TRPM3: variants seen among roughly 807,000 people sequenced by gnomAD.
The protein encoded by TRPM3 is long transient receptor potential channel 3.
TRPM3 carries 77 observed loss-of-function variants against 181.2 expected under a neutral mutation model. That is an observed-to-expected ratio of 0.42 (90% CI 0.35 to 0.51). The LOEUF (loss-of-function observed/expected upper bound fraction) is 0.51. Among genes scored for constraint, TRPM3 ranks in the 20% least tolerant of loss-of-function variants. The pLI is 0.01. For synonymous variants in TRPM3, 745 were observed against 796.4 expected (o/e 0.94, Z 1.09); for missense variants, 1,759 against 2,196.7 (o/e 0.80, Z 3.98).
At position 71,230,963 on chromosome 9, in the gene TRPM3, T is replaced by A. The variant is rs562146205; in HGVS notation, c.183+215690A>T. On this transcript the variant is annotated intron_variant, in intron 1 of 24. Transcript: ENST00000357533. ...AGGAAAGGAAAGCAGAAAGGAAATATTACTATTTATACTAGGTTTCAGAAC... is the reference window on the plus strand; with the variant it reads ...AGGAAAGGAAAGCAGAAAGGAAATAATACTATTTATACTAGGTTTCAGAAC... Among the ~76,000 whole-genome samples the A allele has an allele frequency of 2.0e-5, 3 of 152,296 alleles. No homozygotes were observed. In the East Asian group the frequency reaches 5.8e-4, roughly 29 times the overall value.
rs552175314 is a variant in TRPM3 at position 71,112,193 on chromosome 9, A to T, written c.177+8985T>A. 3.1e-3 allele frequency among the ~76,000 whole-genome samples: 475 copies of T among 152,324 alleles called. 2 individuals are homozygous for T. Among genetic ancestry groups the T allele is most frequent in the African/African-American group, 0.011 (448 of 41,582 alleles). On this transcript the variant is annotated intron_variant, in intron 1 of 25. Coordinates refer to ENST00000677713, the MANE Select transcript of TRPM3 (RefSeq NM_001366145.2). ...ACAGTTTTTCTTCTAACAGTATTTTATCTATTTTACAATGTAACCCAGTCA... is the reference window on the plus strand; with the variant it reads ...ACAGTTTTTCTTCTAACAGTATTTTTTCTATTTTACAATGTAACCCAGTCA...
chr9:71,200,433 A>C (rs1383706506), intron 1 of TRPM3, among the ~76,000 whole-genome samples: 2 of 149,934 alleles, frequency 1.3e-5, no homozygotes, highest in East Asian at 3.9e-4. Context: ...ATCCTTGTTA[A>C]CTTTCTGTCT....
At chr9:70,761,910 A>G (rs1017616111) in intron 7 of TRPM3, among the ~76,000 whole-genome samples, 186 bp from the exon 8 acceptor site, 8 of 152,164 alleles carry the variant, frequency 5.3e-5, no homozygotes, top group Non-Finnish European at 1.2e-4. Context: ...AAATAAATCA[A>G]TTTTACTCTC....
At chr9:71,329,848 C>G (rs987819996) in intron 1 of TRPM3, among the ~76,000 whole-genome samples, 1 of 152,086 alleles carries the variant, frequency 6.6e-6, no homozygotes, top group African/African-American at 2.4e-5. Context: ...TTCTTGAGCA[C>G]CTGCTATGTG....
chr9:70,659,804 T>G (rs2060864533), intron 9 of TRPM3, among the ~76,000 whole-genome samples: 2 of 152,216 alleles, frequency 1.3e-5, no homozygotes, highest in African/African-American at 4.8e-5. Context: ...AACTAAGCTG[T>G]GCTTTCATAA....
chr9:71,272,920 G>A (rs916228356), intron 1 of TRPM3, among the ~76,000 whole-genome samples: 3 of 151,686 alleles, frequency 2.0e-5, no homozygotes, highest in African/African-American at 7.3e-5. Flanking sequence ...TGTTCCACAG[G>A]GTGGAGTGCA....
At chr9:71,255,642 T>C (rs2082626001) in intron 1 of TRPM3, among the ~76,000 whole-genome samples, 2 of 152,218 alleles carry the variant, frequency 1.3e-5, no homozygotes, top group African/African-American at 4.8e-5. Flanking sequence ...ATTTCTTGAG[T>C]CTTTGTTGAA....
intron 1 of TRPM3, among the ~76,000 whole-genome samples, chr9:71,412,382 G>C (rs1362130794): frequency 6.6e-6 from 1 of 152,002 alleles, no homozygotes; most frequent in Non-Finnish European, 1.5e-5. Flanking sequence ...AATCTACAAA[G>C]AACTTAAACA....
At chr9:70,871,103 T>C (rs1431377611) in intron 1 of TRPM3, among the ~76,000 whole-genome samples, 2 of 151,720 alleles carry the variant, frequency 1.3e-5, no homozygotes, top group East Asian at 3.9e-4. Flanking sequence ...AGGGTGAGTT[T>C]TCTAGAGAAA....
chr9:71,427,771 AG>A (rs2093889853), intron 1 of TRPM3, among the ~76,000 whole-genome samples: 1 of 152,118 alleles, frequency 6.6e-6, no homozygotes, highest in Non-Finnish European at 1.5e-5. Context: ...AGGAGGAGGC[AG>A]GGGGCCAGGG....
intron 1 of TRPM3, among the ~76,000 whole-genome samples, chr9:71,139,278 G>A (rs2074957642): frequency 1.3e-5 from 2 of 152,142 alleles, no homozygotes; most frequent in African/African-American, 4.8e-5. Context: ...CGTATGGCAA[G>A]GTACTATCTC....
intron 1 of TRPM3, among the ~76,000 whole-genome samples, chr9:70,919,159 T>TA (rs1371005582): frequency 6.6e-6 from 1 of 152,174 alleles, no homozygotes; most frequent in Non-Finnish European, 1.5e-5. Flanking sequence ...TCACCCTCAG[T>TA]AAAAAATCTT....
At chr9:71,316,212 G>A (rs531757846) in intron 1 of TRPM3, among the ~76,000 whole-genome samples, 53 of 152,096 alleles carry the variant, frequency 3.5e-4, no homozygotes, top group Non-Finnish European at 6.6e-4. Context: ...TTATCCCAAC[G>A]TCTACTTTTC....
intron 1 of TRPM3, among the ~76,000 whole-genome samples, chr9:71,414,645 T>C (rs1305763541): frequency 6.6e-6 from 1 of 152,048 alleles, no homozygotes. Context: ...GTACATGACA[T>C]ATGGTATAAA....
chr9:71,219,088 C>T (rs4745073), intron 1 of TRPM3, among the ~76,000 whole-genome samples: 61,335 of 151,878 alleles, frequency 0.4, 13,208 homozygotes, highest in East Asian at 0.52. Context: ...GGCTGTGTAA[C>T]GATTGTGCTC....
intron 12 of TRPM3, among the ~76,000 whole-genome samples, chr9:70,627,706 G>A (rs2133325440): frequency 6.6e-6 from 1 of 152,248 alleles, no homozygotes; most frequent in South Asian, 2.1e-4. Flanking sequence ...GCAAAATGGG[G>A]CTGTGTGAAG....
chr9:71,165,126 G>T (rs1359941458), intron 1 of TRPM3, among the ~76,000 whole-genome samples: 4 of 152,100 alleles, frequency 2.6e-5, no homozygotes, highest in Non-Finnish European at 4.4e-5. Context: ...AGGCTGACTG[G>T]GTCCAAATCT....
At chr9:71,427,599 G>A (rs2093886899) in intron 1 of TRPM3, among the ~76,000 whole-genome samples, 1 of 152,204 alleles carries the variant, frequency 6.6e-6, no homozygotes. Context: ...ACAAAATCAT[G>A]TCATTTGCAG....
In TRPM3 at chr9:71,402,290, GAATT is replaced by G. The variant is rs113416388; in HGVS notation, c.183+44359_183+44362del. Among the ~76,000 whole-genome samples, 85 of 152,260 alleles carry G rather than the reference GAATT, an allele frequency of 5.6e-4. 1 individual carries two copies. The highest frequency in any genetic ancestry group is 1.9e-3 in the African/African-American group (80 of 41,550). On this transcript the variant is annotated intron_variant, in intron 1 of 24. Transcript: ENST00000357533. ...TCTTGCCTCTTTAGTAGTCAACGAA[GAATT>G]ATAGTACACAAGATAATCAGAAATC...
Sources: gnomAD v4.1 joint callset for allele counts (sites outside exome capture counted in the v4.1 genomes callset) on GRCh38, gnomAD v4.1.1 for gene constraint, MANE v1.5 for transcripts, NCBI Gene and HGNC (gene_info 2026-07-23, HGNC 2026-07-21) for gene names.